The following JAK2 variants were observed in gnomAD, a reference collection of about 807,000 sequenced individuals.
JAK2 encodes the protein Janus kinase 2, also known as tyrosine-protein kinase JAK2.
JAK2 carries 86 observed loss-of-function variants against 139.3 expected under a neutral mutation model. That is an observed-to-expected ratio of 0.62 (90% CI 0.52 to 0.74). The LOEUF (loss-of-function observed/expected upper bound fraction) is 0.74, where lower values mean the gene tolerates loss of function less well. Among genes scored for constraint, JAK2 ranks in the 30% least tolerant of loss-of-function variants. The pLI, the probability that JAK2 is intolerant of heterozygous loss-of-function variation, is 0.00. For missense variants in JAK2, 1,421 were observed against 1,360.3 expected (o/e 1.04, Z -0.70); for synonymous variants, 490 against 437.7 (o/e 1.12, Z -1.49).
intron 2 of JAK2, among the ~76,000 whole-genome samples, chr9:5,017,216 C>G (rs1203046825): frequency 6.6e-6 from 1 of 151,876 alleles, no homozygotes; most frequent in Non-Finnish European, 1.5e-5. Flanking sequence ...ATATTTTTTT[C>G]AAAGACTACA....
intron 6 of JAK2, among the ~76,000 whole-genome samples, chr9:5,052,844 C>A (rs1817515043): frequency 6.6e-6 from 1 of 151,894 alleles, no homozygotes. Context: ...CTTTTTATTG[C>A]TGAATCATTT....
intron 22 of JAK2, chr9:5,111,426 T>G (rs1295770363): frequency 2.5e-6 from 1 of 397,102 alleles, no homozygotes; most frequent in Non-Finnish European, 4.9e-6. Context: ...CCCACGAAGG[T>G]CGGGAAGGTC....
At position 5,096,523 on chromosome 9, in the gene JAK2, G is replaced by A. The variant is rs563623834; in HGVS notation, c.3059+5612G>A. ...GGGGGGAGGGTGGTAGGCCGGAGAA[G>A]CCCTGGCAGCATTGAAGCTGCTCCT... is the stretch of plus-strand genomic sequence containing the variant. On this transcript the variant is annotated intron_variant, in intron 22 of 24. Transcript: ENST00000381652. 66 of 152,270 alleles carry A rather than the reference G, an allele frequency of 4.3e-4. 1 individual carries two copies. Among genetic ancestry groups the A allele is most frequent in the African/African-American group, 1.6e-3 (66 of 41,552 alleles). The allele number at this position is 152,270 out of a possible 1,614,324, so 9.4% of individuals were successfully genotyped here. A position where few individuals can be genotyped will look rare whatever the true frequency, so the allele number is the denominator to read the frequency against.
chr9:5,080,592 A>C lies in JAK2; in HGVS notation c.2343A>C (p.Ala781=), dbSNP rs891977374. 3 of 1,607,956 alleles carry C rather than the reference A, an allele frequency of 1.9e-6. No homozygotes were observed. The highest frequency in any genetic ancestry group is 1.3e-5 in the African/African-American group (1 of 74,320). The change falls in exon 18 of 25, where the codon GCA becomes GCC. Residue 781 remains alanine, a synonymous_variant. Coordinates refer to ENST00000381652, the MANE Select transcript of JAK2 (RefSeq NM_004972.4). ...CTGCACCAAAGTGGGCAGAATTAGC[A>C]AACCTTATAAATAATTGTATGGATT... ...QLPAPKWAEL[A]NLINNCMDYE... is the part of the protein sequence containing the mutation.
intron 4 of JAK2, among the ~76,000 whole-genome samples, chr9:5,035,159 T>TAC (rs1275897966): frequency 1.3e-5 from 2 of 152,154 alleles, no homozygotes; most frequent in African/African-American, 4.8e-5. Flanking sequence ...CCTGGACACA[T>TAC]ACACCCTCCC....
At chr9:5,063,588 G>A (rs955923127) in intron 8 of JAK2, among the ~76,000 whole-genome samples, 9 of 152,060 alleles carry the variant, frequency 5.9e-5, no homozygotes, top group Non-Finnish European at 8.8e-5. Context: ...TAATGTGATT[G>A]AGACAAATTA....
At chr9:5,075,424 A>G (rs1170547870) in intron 14 of JAK2, among the ~76,000 whole-genome samples, 1 of 152,218 alleles carries the variant, frequency 6.6e-6, no homozygotes, top group Non-Finnish European at 1.5e-5. Flanking sequence ...CTAAGGGCCA[A>G]TGCCATTGGT....
At chr9:5,111,006 C>A in intron 22 of JAK2, 2 of 724,918 alleles carry the variant, frequency 2.8e-6, no homozygotes, top group Non-Finnish European at 2.3e-6. Flanking sequence ...CCGTTGCCAA[C>A]GGGAAGGGCC....
At chr9:5,034,727 A>G (rs924770003) in intron 4 of JAK2, among the ~76,000 whole-genome samples, 3 of 152,178 alleles carry the variant, frequency 2.0e-5, no homozygotes, top group Non-Finnish European at 4.4e-5. Flanking sequence ...TCTCTGGGAC[A>G]CATTCAAAGC....
intron 2 of JAK2, among the ~76,000 whole-genome samples, chr9:4,994,641 C>A (rs778332515): frequency 1.3e-5 from 2 of 152,172 alleles, no homozygotes; most frequent in Non-Finnish European, 2.9e-5. Context: ...ATAGACAATA[C>A]GTAAATGAAC....
intron 4 of JAK2, among the ~76,000 whole-genome samples, chr9:5,031,371 T>C (rs1823134150): frequency 6.6e-6 from 1 of 152,132 alleles, no homozygotes; most frequent in African/African-American, 2.4e-5. Flanking sequence ...AATCATAAAC[T>C]AAATAATGAG....
chr9:5,112,073 G>T (rs970199815), intron 22 of JAK2: 1 of 390,860 alleles, frequency 2.6e-6, no homozygotes, highest in South Asian at 1.9e-5. Flanking sequence ...ACGGCCTGGA[G>T]AGTAAGATAG....
At chr9:5,011,647 A>G (rs1216997566) in intron 2 of JAK2, among the ~76,000 whole-genome samples, 2 of 152,078 alleles carry the variant, frequency 1.3e-5, no homozygotes, top group Admixed American at 1.3e-4. Context: ...TTTCTATTAT[A>G]TATATTCTTC....
rs190968468 is a variant in JAK2 at position 5,082,264 on chromosome 9, G to A, written c.2571+403G>A. On this transcript the variant is annotated intron_variant, in intron 19 of 24. Coordinates refer to ENST00000381652, the MANE Select transcript of JAK2 (RefSeq NM_004972.4). ...GAGGAATGCGGCAGGAGAGCAGGGT[G>A]ATAGTGGGGAGAAGGTCAGCAAGAA... Among the ~76,000 whole-genome samples, 906 of 152,348 alleles carry A rather than the reference G, an allele frequency of 5.9e-3. 2 individuals carry two copies. The highest frequency in any genetic ancestry group is 0.01 in the Non-Finnish European group (685 of 68,040).
intron 2 of JAK2, among the ~76,000 whole-genome samples, chr9:5,015,156 A>G (rs1324257288): frequency 6.6e-6 from 1 of 152,224 alleles, no homozygotes; most frequent in African/African-American, 2.4e-5. Flanking sequence ...GTATAAATGC[A>G]CAAAAGTATT....
chr9:4,988,472 G>C (rs1820085954), intron 2 of JAK2, among the ~76,000 whole-genome samples: 3 of 152,186 alleles, frequency 2.0e-5, no homozygotes, highest in Admixed American at 2.0e-4. Context: ...TAACTACTAA[G>C]TAAGTTGTTC....
intron 5 of JAK2, among the ~76,000 whole-genome samples, chr9:5,048,986 C>G (rs1230836356): frequency 2.0e-5 from 3 of 152,078 alleles, no homozygotes; most frequent in African/African-American, 7.2e-5. Context: ...ATTACATGTT[C>G]AGTCAGATTT....
chr9:5,021,932 C>G, intron 2 of JAK2, 31 bp from the exon 3 acceptor site: 1 of 1,334,224 alleles, frequency 7.5e-7, no homozygotes, highest in Non-Finnish European at 1.1e-6. Context: ...TGCGCCCAGC[C>G]CATTTGTAAC....
intron 22 of JAK2, among the ~76,000 whole-genome samples, chr9:5,122,291 G>C (rs10815162): frequency 0.25 from 38,668 of 152,026 alleles, 5,013 homozygotes; most frequent in African/African-American, 0.3. Flanking sequence ...CCCTTGGATA[G>C]TGTTAATGCT....
Sources: allele counts gnomAD v4.1 joint callset (sites outside exome capture counted in the v4.1 genomes callset), GRCh38; gene constraint gnomAD v4.1.1; transcripts MANE v1.5; gene names NCBI Gene and HGNC (gene_info 2026-07-23, HGNC 2026-07-21).